Variants in MSH3 observed in about 807,000 individuals in gnomAD.
MSH3 encodes the protein DNA mismatch repair protein Msh3.
A neutral mutation model predicts 123.3 loss-of-function variants in MSH3; 106 were observed. The observed-to-expected ratio is 0.86, with a 90% CI of 0.73 to 1.01. The LOEUF is 1.01. MSH3 is among the 50% of genes least tolerant of loss of function. The probability of loss-of-function intolerance (pLI) is 0.00; values close to 1 mark genes in which losing one functional copy is unlikely to be tolerated. For missense variants in MSH3, 1,459 were observed against 1,347.6 expected (o/e 1.08, Z -1.29); for synonymous variants, 515 against 481.4 (o/e 1.07, Z -0.91).
intron 17 of MSH3, among the ~76,000 whole-genome samples, chr5:80,786,012 G>A (rs1157107417): frequency 1.3e-5 from 2 of 151,476 alleles, no homozygotes; most frequent in Non-Finnish European, 2.9e-5. Flanking sequence ...GAAGGGGGGA[G>A]GGATAACATT....
chr5:80,667,882 G>A (rs1202439912), intron 3 of MSH3, among the ~76,000 whole-genome samples: 1 of 152,218 alleles, frequency 6.6e-6, no homozygotes, highest in East Asian at 1.9e-4. Flanking sequence ...TTGCTGCAAT[G>A]TGGCAAGCAA....
At chr5:80,683,077 T>G (rs962570857) in intron 8 of MSH3, among the ~76,000 whole-genome samples, 3 of 152,244 alleles carry the variant, frequency 2.0e-5, no homozygotes, top group African/African-American at 7.2e-5. Context: ...ATTGTATATA[T>G]GTACTACATT....
rs187271040 is a variant in MSH3 at position 80,813,968 on chromosome 5, C to G, written c.2813+227C>G. Among the ~76,000 whole-genome samples the G allele has an allele frequency of 1.8e-3, 271 of 151,952 alleles. 1 individual carries two copies. The highest frequency in any genetic ancestry group is 3.0e-3 in the Non-Finnish European group (202 of 67,968). On this transcript the variant is annotated intron_variant, in intron 20 of 23. Coordinates refer to ENST00000265081, the MANE Select transcript of MSH3 (RefSeq NM_002439.5). The stretch of plus-strand genomic sequence containing the variant: ...TTGAGTCTAGGAGTTTGAGAGCAGC[C>G]TGGGCAACATGGCAAAACCCCATCT...
chr5:80,739,972 G>A (rs2112865743), intron 10 of MSH3, among the ~76,000 whole-genome samples: 1 of 152,280 alleles, frequency 6.6e-6, no homozygotes, highest in East Asian at 1.9e-4. Context: ...AGGGTGGTTA[G>A]GTTTATAGCA....
intron 8 of MSH3, among the ~76,000 whole-genome samples, chr5:80,686,289 C>T (rs890881400): frequency 7.9e-5 from 12 of 151,848 alleles, no homozygotes; most frequent in African/African-American, 2.2e-4. Context: ...TTGAAGTATC[C>T]AGCTGCTATT....
chr5:80,707,383 G>A (rs978822236), intron 8 of MSH3, among the ~76,000 whole-genome samples: 39 of 152,252 alleles, frequency 2.6e-4, no homozygotes, highest in Middle Eastern at 6.8e-3. Context: ...CACATAATTA[G>A]GAGTGGAATT....
intron 16 of MSH3, 112 bp downstream of exon 16, chr5:80,775,870 A>T (rs1744290376): frequency 1.0e-5 from 7 of 682,076 alleles, no homozygotes; most frequent in South Asian, 3.3e-5. Context: ...AATTCTTTTT[A>T]CTTATTTTTT....
intron 7 of MSH3, 34 bp downstream of exon 7, chr5:80,675,162 A>G (rs1393886181): frequency 6.2e-7 from 1 of 1,606,934 alleles, no homozygotes; most frequent in East Asian, 2.2e-5. Flanking sequence ...CAAATGTTAG[A>G]TGTTCATGGT....
intron 20 of MSH3, among the ~76,000 whole-genome samples, chr5:80,820,765 G>T (rs1391073524): frequency 6.6e-6 from 1 of 152,182 alleles, no homozygotes; most frequent in African/African-American, 2.4e-5. Context: ...CTTAAGTTTA[G>T]GTATGTGGCA....
intron 3 of MSH3, among the ~76,000 whole-genome samples, chr5:80,667,547 G>C (rs553564989): frequency 6.6e-6 from 1 of 152,328 alleles, no homozygotes; most frequent in East Asian, 1.9e-4. Flanking sequence ...GAATCTCGCA[G>C]CTGCCAAGGG....
chr5:80,815,182 G>C (rs1419327441), intron 20 of MSH3, among the ~76,000 whole-genome samples: 2 of 152,114 alleles, frequency 1.3e-5, no homozygotes, highest in Admixed American at 1.3e-4. Flanking sequence ...CCTGAATTCT[G>C]TTTGATGCCA....
chr5:80,679,733 A>G (rs1240646898), intron 8 of MSH3, among the ~76,000 whole-genome samples: 1 of 152,218 alleles, frequency 6.6e-6, no homozygotes, highest in East Asian at 1.9e-4. Context: ...TTACAACCTC[A>G]CATGAGAGTC....
rs148089291 is a variant in MSH3 at position 80,708,900 on chromosome 5, G to A, written c.1341-16553G>A. Among the ~76,000 whole-genome samples, 525 of 151,838 alleles carry A rather than the reference G, an allele frequency of 3.5e-3. 1 individual carries two copies. The highest frequency in any genetic ancestry group is 3.6e-3 in the Non-Finnish European group (243 of 67,938). On this transcript the variant is annotated intron_variant, in intron 8 of 23. Transcript: ENST00000265081. ...AGCGATTTTCCTGCCTCACCGTCTC[G>A]AATAGCTGGGATTACAGGCGCCCAC... is the stretch of plus-strand genomic sequence containing the variant.
rs542832032 is a variant in MSH3 at position 80,691,928 on chromosome 5, G to T, written c.1340+12835G>T. On this transcript the variant is annotated intron_variant, in intron 8 of 23. Coordinates refer to ENST00000265081, the MANE Select transcript of MSH3 (RefSeq NM_002439.5). Reference sequence around the variant, plus strand: ...AGATAAACATGTATATGTTTATATAGATAAACATGTATATGTTTATATAGA... The same window carrying T: ...AGATAAACATGTATATGTTTATATATATAAACATGTATATGTTTATATAGA... 1.0e-4 allele frequency among the ~76,000 whole-genome samples: 13 copies of T among 124,370 alleles called. 1 individual carries two copies. In the South Asian group the frequency reaches 1.8e-3, roughly 17 times the overall value. 81.6% of individuals were successfully genotyped at this position (124,370 alleles called of 152,430 possible).
At chr5:80,691,209 G>T (rs1384093193) in intron 8 of MSH3, among the ~76,000 whole-genome samples, 2 of 151,848 alleles carry the variant, frequency 1.3e-5, no homozygotes, top group Non-Finnish European at 2.9e-5. Flanking sequence ...AAATCTAGAA[G>T]TGACAAATTA....
chr5:80,674,811 C>T (rs2112815771), intron 6 of MSH3, among the ~76,000 whole-genome samples, 172 bp from the exon 7 acceptor site: 1 of 152,114 alleles, frequency 6.6e-6, no homozygotes, highest in South Asian at 2.1e-4. Flanking sequence ...AACTCCTAGC[C>T]TTAAGTAATC....
chr5:80,703,883 G>C (rs1366065284), intron 8 of MSH3, among the ~76,000 whole-genome samples: 1 of 152,050 alleles, frequency 6.6e-6, no homozygotes, highest in African/African-American at 2.4e-5. Context: ...TGGGCAGCCT[G>C]ATTTTGTTCA....
intron 10 of MSH3, among the ~76,000 whole-genome samples, chr5:80,738,880 A>G (rs963007732): frequency 6.6e-6 from 1 of 152,192 alleles, no homozygotes; most frequent in Admixed American, 6.5e-5. Context: ...TAATGCCCTT[A>G]TATTAATAGA....
At chr5:80,749,596 A>T (rs1743795085) in intron 12 of MSH3, among the ~76,000 whole-genome samples, 1 of 152,204 alleles carries the variant, frequency 6.6e-6, no homozygotes, top group Non-Finnish European at 1.5e-5. Flanking sequence ...GTTGACATTC[A>T]GTATTAACCA....
Sources: gnomAD v4.1 joint callset for allele counts (sites outside exome capture counted in the v4.1 genomes callset) on GRCh38, gnomAD v4.1.1 for gene constraint, MANE v1.5 for transcripts, NCBI Gene and HGNC (gene_info 2026-07-23, HGNC 2026-07-21) for gene names.